The following DEF8 variants were observed in gnomAD, a reference collection of about 807,000 sequenced individuals.
DEF8 encodes differentially expressed in FDCP 8 homolog.
In DEF8, 38 loss-of-function variants were observed where a neutral mutation model predicts 59.1. That is an observed-to-expected ratio of 0.64 (90% confidence interval 0.50 to 0.84). The LOEUF (loss-of-function observed/expected upper bound fraction) is 0.84, where lower values mean the gene tolerates loss of function less well. DEF8 is among the 40% of genes least tolerant of loss of function. The probability of loss-of-function intolerance (pLI) is 0.00; values close to 1 mark genes in which losing one functional copy is unlikely to be tolerated. For missense variants in DEF8, 557 were observed against 615.2 expected, an observed-to-expected ratio of 0.91 and a Z score of 1.00; for synonymous variants, 265 against 250.1, an observed-to-expected ratio of 1.06 and a Z score of -0.56.
intron 1 of DEF8, 48 bp from the exon 2 acceptor site, chr16:89,949,369 G>GGT: frequency 6.8e-7 from 1 of 1,478,922 alleles, no homozygotes; most frequent in Non-Finnish European, 9.2e-7. Context: ...AGCTCCCGCG[G>GGT]GTGTGGTGGG....
intron 7 of DEF8, among the ~76,000 whole-genome samples, chr16:89,961,523 G>A (rs920853005): frequency 2.6e-5 from 4 of 152,184 alleles, no homozygotes; most frequent in African/African-American, 9.7e-5. Flanking sequence ...TCCCTGCCTC[G>A]GTCCTACAGT....
At chr16:89,959,249 G>T (rs779384592) in intron 6 of DEF8, 94 bp downstream of exon 6, 2 of 1,577,462 alleles carry the variant, frequency 1.3e-6, no homozygotes, top group East Asian at 4.6e-5. Context: ...ATCCAGTGTG[G>T]TGGCCACTAG....
chr16:89,958,969 C>A (rs766874102), intron 5 of DEF8, 45 bp from the exon 6 acceptor site: 31 of 1,598,228 alleles, frequency 1.9e-5, no homozygotes, highest in Non-Finnish European at 2.6e-5. Flanking sequence ...AAAGGAACTT[C>A]AGCCCAGCTC....
chr16:89,950,109 A>C, intron 2 of DEF8: 1 of 988,100 alleles, frequency 1.0e-6, no homozygotes, highest in Non-Finnish European at 1.2e-6. Context: ...TGCTGGGCAG[A>C]ACGGAGGTGT....
At chr16:89,965,786 C>G in intron 12 of DEF8, 75 bp from the exon 13 acceptor site, 2 of 944,350 alleles carry the variant, frequency 2.1e-6, no homozygotes. Context: ...ATGATAGGAG[C>G]TGACCTAGGA....
At chr16:89,951,990 G>A in intron 2 of DEF8, among the ~76,000 whole-genome samples, 1 of 151,746 alleles carries the variant, frequency 6.6e-6, no homozygotes, top group East Asian at 1.9e-4. Flanking sequence ...CTATTCTGCT[G>A]CCTCAGCCTC....
In DEF8 at chr16:89,964,506, A is replaced by C; in HGVS notation, c.1184A>C (p.Glu395Ala). 6.3e-7 allele frequency: 1 copy of C among 1,599,204 alleles called. No homozygotes were observed. The highest frequency in any genetic ancestry group is 1.1e-5 in the South Asian group (1 of 88,612). ...AKGFVCELCREGDVLFPFDSH... is the reference protein window; with the variant it reads ...AKGFVCELCRAGDVLFPFDSH... ...GGCTTCGTGTGTGAGCTCTGCAGAGAGGGCGACGTGCTGTTCCCGTTCGAC... is the reference window on the plus strand; with the variant it reads ...GGCTTCGTGTGTGAGCTCTGCAGAGCGGGCGACGTGCTGTTCCCGTTCGAC... The change falls in exon 12 of 13, where the codon GAG becomes GCG. Residue 395 changes from glutamate (E) to alanine (A), a missense_variant. Physicochemically the swap from Glu to Ala is moderately radical, Grantham distance 107 (BLOSUM62 -1). Coordinates refer to ENST00000563594, the MANE Select transcript of DEF8 (RefSeq NM_001242818.2).
At chr16:89,955,561 T>A (rs918287637) in intron 4 of DEF8, among the ~76,000 whole-genome samples, 2 of 152,154 alleles carry the variant, frequency 1.3e-5, no homozygotes, top group Non-Finnish European at 2.9e-5. Flanking sequence ...CTGAGCTCCA[T>A]GTCTTCATGA....
At chr16:89,959,411 G>C (rs147049976) in intron 6 of DEF8, 3 of 1,285,116 alleles carry the variant, frequency 2.3e-6, no homozygotes, top group African/African-American at 3.0e-5. Context: ...AAAGGACCTA[G>C]CACGTGTTAG....
intron 5 of DEF8, among the ~76,000 whole-genome samples, chr16:89,958,746 C>G (rs888794217): frequency 1.3e-5 from 2 of 152,292 alleles, no homozygotes; most frequent in Middle Eastern, 3.4e-3. Context: ...GCCCATGGCC[C>G]GGTGCAATCC....
At chr16:89,961,932 C>CG (rs2034076071) in intron 8 of DEF8, 68 bp downstream of exon 8, 1 of 1,600,640 alleles carries the variant, frequency 6.2e-7, no homozygotes, top group Admixed American at 1.7e-5. Flanking sequence ...GGTGTGGAGC[C>CG]GGTGTACCCC....
At chr16:89,949,820 C>G (rs62052222) in intron 2 of DEF8, among the ~76,000 whole-genome samples, 7,645 of 152,316 alleles carry the variant, frequency 0.05, 367 homozygotes, top group East Asian at 0.26. Context: ...CCACTTCCTG[C>G]CCGCTCCTTT....
chr16:89,950,334 T>A (rs914729804), intron 2 of DEF8: 2 of 985,216 alleles, frequency 2.0e-6, no homozygotes, highest in Admixed American at 1.2e-4. Context: ...AGAAAGTAGG[T>A]GTTCCCCCTG....
Position 89,964,309 on chromosome 16 carries a change from A to G in DEF8, c.1142A>G (p.Glu381Gly). ...GCCAAGCACATCAAGCTGGACTGCG[A>G]GGTGGGCCTCTGCCCGAGGGCCGCT... ...LFAKHIKLDC[E>G]RCQAKGFVCE... The change falls in exon 11 of 13, where the codon GAG becomes GGG. Residue 381 changes from glutamate (E) to glycine (G), a missense_variant and splice_region_variant. Glu to Gly is a moderately conservative substitution (Grantham distance 98). Transcript: ENST00000563594. The G allele has an allele frequency of 6.3e-7, 1 of 1,585,158 alleles. No individual in the cohort carries two copies. Among genetic ancestry groups the G allele is most frequent in the Non-Finnish European group, 8.6e-7 (1 of 1,165,386 alleles).
chr16:89,954,106 TG>T lies in DEF8; in HGVS notation c.-10-135del. 1 of 865,468 alleles carries T rather than the reference TG, an allele frequency of 1.2e-6. No homozygotes were observed. Among genetic ancestry groups the T allele is most frequent in the Non-Finnish European group, 1.8e-6 (1 of 561,508 alleles). 53.6% of individuals were successfully genotyped at this position (865,468 alleles called of 1,614,324 possible). A position where few individuals can be genotyped will look rare whatever the true frequency, so the allele number is the denominator to read the frequency against. On this transcript the variant is annotated intron_variant, in intron 2 of 12. Coordinates refer to ENST00000563594, the MANE Select transcript of DEF8 (RefSeq NM_001242818.2). This position sits in a 1 kb window ranked among gnomAD's most constrained non-coding sequence, Gnocchi z 4.3. ...AGGAAAAGGCTGAAGATCAAGGCTG[TG>T]GTGTGAGGACTACCCACTTTAGGGA...
intron 7 of DEF8, 132 bp from the exon 8 acceptor site, chr16:89,961,605 T>G: frequency 8.6e-7 from 1 of 1,168,854 alleles, no homozygotes; most frequent in Non-Finnish European, 1.2e-6. Flanking sequence ...CCTGAGGTCT[T>G]CCGGCTGAGG....
chr16:89,956,206 C>T (rs189396586), intron 4 of DEF8, among the ~76,000 whole-genome samples: 142 of 152,104 alleles, frequency 9.3e-4, no homozygotes, highest in African/African-American at 3.3e-3. Context: ...GCCTGTAATC[C>T]AGCACTTTGG....
chr16:89,964,167 C>T lies in DEF8; in HGVS notation c.1003-3C>T. On this transcript the variant is annotated splice_region_variant and splice_polypyrimidine_tract_variant and intron_variant, in intron 10 of 12. Coordinates refer to ENST00000563594, the MANE Select transcript of DEF8 (RefSeq NM_001242818.2). Reference sequence around the variant, plus strand: ...GGGCGTCACGGCTGCTGGGACTTGGCAGCTCCAGGATCGGCAGCATTTTGT... The same window carrying T: ...GGGCGTCACGGCTGCTGGGACTTGGTAGCTCCAGGATCGGCAGCATTTTGT... 1 of 1,613,886 alleles carries T rather than the reference C, an allele frequency of 6.2e-7. No homozygotes were observed. The highest frequency in any genetic ancestry group is 1.3e-5 in the African/African-American group (1 of 75,008).
intron 4 of DEF8, among the ~76,000 whole-genome samples, chr16:89,955,811 G>C (rs1161658564): frequency 6.6e-6 from 1 of 152,206 alleles, no homozygotes; most frequent in Non-Finnish European, 1.5e-5. Flanking sequence ...GGTGGCTCAC[G>C]CCTGTAATCC....
Sources: gnomAD v4.1 joint callset for allele counts (sites outside exome capture counted in the v4.1 genomes callset) on GRCh38, gnomAD v4.1.1 for gene constraint, Gnocchi (gnomAD v3.1) non-coding constraint, MANE v1.5 for transcripts, NCBI Gene and HGNC (gene_info 2026-07-23, HGNC 2026-07-21) for gene names.